CLTC: variants seen among roughly 807,000 people sequenced by gnomAD.
CLTC encodes the protein clathrin heavy chain 1.
In CLTC, 16 loss-of-function variants were observed where a neutral mutation model predicts 195.8. The observed-to-expected ratio is 0.08, with a 90% confidence interval of 0.06 to 0.12. The LOEUF (loss-of-function observed/expected upper bound fraction) is 0.12, where lower values mean the gene tolerates loss of function less well. Among genes scored for constraint, CLTC ranks in the 10% least tolerant of loss-of-function variants. The probability of loss-of-function intolerance (pLI) is 1.00; values close to 1 mark genes in which losing one functional copy is unlikely to be tolerated. For missense variants in CLTC, 796 were observed against 2,027.0 expected (o/e 0.39, Z 11.66); for synonymous variants, 667 against 689.4 (o/e 0.97, Z 0.51).
intron 7 of CLTC, 86 bp from the exon 8 acceptor site, chr17:59,661,357 G>A: frequency 2.0e-6 from 2 of 1,011,806 alleles, no homozygotes; most frequent in South Asian, 1.3e-5. Flanking sequence ...GGTGTTTAGT[G>A]TGATGTTTGG....
At chr17:59,651,479 C>T (rs2032325780) in intron 5 of CLTC, among the ~76,000 whole-genome samples, 163 bp downstream of exon 5, 1 of 152,112 alleles carries the variant, frequency 6.6e-6, no homozygotes, top group Admixed American at 6.5e-5. Flanking sequence ...TTTTCATGTA[C>T]AGGACTACCT....
intron 5 of CLTC, among the ~76,000 whole-genome samples, chr17:59,655,151 T>A (rs941623838): frequency 2.6e-5 from 4 of 152,252 alleles, no homozygotes; most frequent in Non-Finnish European, 4.4e-5. Context: ...TCACTAAACT[T>A]AAAATTACTT....
At chr17:59,630,704 A>G (rs2031687739) in intron 1 of CLTC, among the ~76,000 whole-genome samples, 1 of 152,258 alleles carries the variant, frequency 6.6e-6, no homozygotes, top group African/African-American at 2.4e-5. Flanking sequence ...TCTTTCACTA[A>G]GCATCCATGT....
At chr17:59,669,089 A>G (rs1398503578) in intron 14 of CLTC, 149 bp downstream of exon 14, 5 of 608,062 alleles carry the variant, frequency 8.2e-6, no homozygotes, top group African/African-American at 5.7e-5. Context: ...TCCAAACATA[A>G]TATTCTGTGG....
At chr17:59,642,013 T>G (rs552640850) in intron 1 of CLTC, among the ~76,000 whole-genome samples, 42 of 151,556 alleles carry the variant, frequency 2.8e-4, no homozygotes, top group African/African-American at 9.2e-4. Flanking sequence ...TTTTTTTTTT[T>G]TTTTTTTTTT....
chr17:59,684,553 C>G (rs1349870964), intron 28 of CLTC: 2 of 154,130 alleles, frequency 1.3e-5, no homozygotes, highest in Non-Finnish European at 2.9e-5. Context: ...CGCCTGTAAT[C>G]CCAGCACTTT....
intron 17 of CLTC, among the ~76,000 whole-genome samples, chr17:59,679,129 C>T (rs554692424): frequency 4.5e-4 from 69 of 152,164 alleles, no homozygotes; most frequent in African/African-American, 1.5e-3. Context: ...TGTGCATATA[C>T]GCATGGAAAA....
At chr17:59,632,855 G>A (rs1393370074) in intron 1 of CLTC, among the ~76,000 whole-genome samples, 1 of 152,132 alleles carries the variant, frequency 6.6e-6, no homozygotes, top group East Asian at 1.9e-4. Flanking sequence ...CCTAAAACCT[G>A]TTTTTTCTCC....
chr17:59,645,279 A>G (rs1321927536), intron 2 of CLTC, among the ~76,000 whole-genome samples: 1 of 152,074 alleles, frequency 6.6e-6, no homozygotes, highest in African/African-American at 2.4e-5. Context: ...TTGAATTTAC[A>G]GTAATTGTTT....
intron 6 of CLTC, among the ~76,000 whole-genome samples, chr17:59,657,816 G>A (rs2032509205): frequency 6.7e-6 from 1 of 149,688 alleles, no homozygotes; most frequent in South Asian, 2.1e-4. Context: ...TGGTCTTTTG[G>A]TGAACTAGAT....
chr17:59,664,879 A>G lies in CLTC; in HGVS notation c.1614A>G (p.Gln538=), dbSNP rs1567957048. The change falls in exon 10 of 32, where the codon CAA becomes CAG. Residue 538 remains glutamine (Q), a synonymous_variant. Transcript: ENST00000269122. The stretch of plus-strand genomic sequence containing the variant: ...AGCAGTTTGCCCAAATGTTAGTTCA[A>G]GATGAAGAGCCTCTTGCTGACATCA... The part of the protein sequence containing the change: ...QGQQFAQMLV[Q]DEEPLADITQ... 1 of 1,614,098 alleles carries G rather than the reference A, an allele frequency of 6.2e-7. No homozygotes were observed. The highest frequency in any genetic ancestry group is 1.6e-4 in the Middle Eastern group (1 of 6,062).
Position 59,684,729 on chromosome 17 carries a change from C to G in CLTC, c.4435-327C>G, listed in dbSNP as rs552620998. 7.4e-5 allele frequency among the ~76,000 whole-genome samples: 11 copies of G among 149,162 alleles called. No individual in the cohort carries two copies. In the Admixed American group the frequency reaches 7.5e-4, roughly 10 times the overall value. On this transcript the variant is annotated intron_variant, in intron 28 of 31. Coordinates refer to ENST00000269122, the MANE Select transcript of CLTC (RefSeq NM_004859.4). ...GCTGAGGCCGGAGAATCGCTTGAAC[C>G]CTAGAGGCAGGTTGCAGTGAGCCCA... is the stretch of plus-strand genomic sequence containing the variant.
chr17:59,677,765 CTT>C (rs1047369876), intron 17 of CLTC, among the ~76,000 whole-genome samples: 3 of 152,090 alleles, frequency 2.0e-5, no homozygotes, highest in African/African-American at 7.2e-5. Flanking sequence ...GTTCTTCAGT[CTT>C]TTGTTTTCTA....
In CLTC at chr17:59,639,308, G is replaced by A. The variant is rs140491283; in HGVS notation, c.43-4968G>A. Among the ~76,000 whole-genome samples, 848 of 152,252 alleles carry A rather than the reference G, an allele frequency of 5.6e-3. 8 individuals carry two copies. Among genetic ancestry groups the A allele is most frequent in the Middle Eastern group, 0.024 (7 of 294 alleles). On this transcript the variant is annotated intron_variant, in intron 1 of 31. Transcript: ENST00000269122. ...AAGACGGGGTGGGTGACTTTTCATA[G>A]TATAACCTTTTGTAAGATTTTAGTG...
In CLTC at chr17:59,679,807, G is replaced by A. The variant is rs578036927; in HGVS notation, c.2919+288G>A. Among the ~76,000 whole-genome samples the A allele has an allele frequency of 5.3e-5, 8 of 151,950 alleles. No individual in the cohort carries two copies. The South Asian group carries it at 1.0e-3, about 20-fold the overall frequency. On this transcript the variant is annotated intron_variant, in intron 18 of 31. Transcript: ENST00000269122. The stretch of plus-strand genomic sequence containing the variant: ...AAATAAGCCATGTGCGGTGGCTCAC[G>A]CCTGTAATTCCAGCACTTTGGGAGG...
chr17:59,687,616 GT>G (rs1193372860), intron 30 of CLTC, among the ~76,000 whole-genome samples: 1 of 152,006 alleles, frequency 6.6e-6, no homozygotes, highest in Non-Finnish European at 1.5e-5. Flanking sequence ...GTTTCTCCAG[GT>G]GTCCAGTTCT....
chr17:59,655,784 T>C, intron 5 of CLTC, 70 bp from the exon 6 acceptor site: 1 of 1,283,658 alleles, frequency 7.8e-7, no homozygotes, highest in Non-Finnish European at 1.0e-6. Flanking sequence ...AAAATGGAAT[T>C]AGACTGAATG....
At position 59,681,694 on chromosome 17, in the gene CLTC, T is replaced by G; in HGVS notation, c.3297T>G (p.Ala1099=). The stretch of plus-strand genomic sequence containing the variant: ...ACTTGGATCGGGCATATGAGTTTGC[T>G]GAACGTTGCAATGAACCTGCGGTCT... ...IGNLDRAYEF[A]ERCNEPAVWS... is the part of the protein sequence containing the mutation. Residue 1099 remains alanine (A), a synonymous_variant, in exon 21 of 32, where the codon GCT becomes GCG. Coordinates refer to ENST00000269122, the MANE Select transcript of CLTC (RefSeq NM_004859.4). The surrounding 1 kb of genome is among the most constrained non-coding windows in gnomAD (Gnocchi z 5.0). 2 of 1,614,018 alleles carry G rather than the reference T, an allele frequency of 1.2e-6. No individual in the cohort carries two copies. Among genetic ancestry groups the G allele is most frequent in the Non-Finnish European group, 1.7e-6 (2 of 1,179,938 alleles).
intron 17 of CLTC, among the ~76,000 whole-genome samples, chr17:59,679,155 C>G (rs1350879197): frequency 3.3e-5 from 5 of 152,086 alleles, no homozygotes; most frequent in Admixed American, 3.3e-4. Context: ...CACACAAGAA[C>G]AGCTAGTAAA....
Sources: allele counts gnomAD v4.1 joint callset (sites outside exome capture counted in the v4.1 genomes callset), GRCh38; gene constraint gnomAD v4.1.1; non-coding constraint Gnocchi (gnomAD v3.1); transcripts MANE v1.5; gene names NCBI Gene and HGNC (gene_info 2026-07-23, HGNC 2026-07-21).